Variants in PRORP observed in about 807,000 individuals in gnomAD.
PRORP encodes the protein protein only RNase P catalytic subunit.
In PRORP, 51 loss-of-function variants were observed where a neutral mutation model predicts 59.4. The observed-to-expected ratio is 0.86, with a 90% CI of 0.69 to 1.08. The LOEUF is 1.08. Ranked by LOEUF, PRORP falls within the 50% of genes least tolerant of loss-of-function variation. The pLI is 0.00. For synonymous variants in PRORP, 231 were observed against 245.6 expected (o/e 0.94, Z 0.55); for missense variants, 646 against 690.3 (o/e 0.94, Z 0.72).
At chr14:35,160,116 A>C (rs1009979224) in intron 4 of PRORP, among the ~76,000 whole-genome samples, 3 of 152,158 alleles carry the variant, frequency 2.0e-5, no homozygotes, top group Non-Finnish European at 2.9e-5. Context: ...GTTGCTCTTG[A>C]GTTACTCAGA....
intron 4 of PRORP, among the ~76,000 whole-genome samples, chr14:35,175,789 A>G (rs368311557): frequency 2.0e-5 from 3 of 152,090 alleles, no homozygotes; most frequent in South Asian, 2.1e-4. Flanking sequence ...CATTGCTTTT[A>G]GTGTTTTAGA....
At chr14:35,192,898 G>A (rs1475100064) in intron 5 of PRORP, among the ~76,000 whole-genome samples, 1 of 151,950 alleles carries the variant, frequency 6.6e-6, no homozygotes, top group Admixed American at 6.6e-5. Flanking sequence ...GGAGACTGAG[G>A]CAGGAGAATC....
chr14:35,244,195 T>C (rs2050429003), intron 5 of PRORP, among the ~76,000 whole-genome samples: 2 of 152,236 alleles, frequency 1.3e-5, no homozygotes, highest in African/African-American at 4.8e-5. Context: ...TCATAAGTCC[T>C]CATTGTTATG....
At position 35,143,478 on chromosome 14, in the gene PRORP, A is replaced by G. The variant is rs114353097; in HGVS notation, c.1167+15867A>G. On this transcript the variant is annotated intron_variant, in intron 4 of 7. Coordinates refer to ENST00000534898, the MANE Select transcript of PRORP (RefSeq NM_014672.4). Reference sequence around the variant, plus strand: ...TGCCCAGCCAGATATATATTAATTTATTGAAAATAATATAAAAACTATTAT... The same window carrying G: ...TGCCCAGCCAGATATATATTAATTTGTTGAAAATAATATAAAAACTATTAT... Among the ~76,000 whole-genome samples the G allele has an allele frequency of 8.6e-3, 1,252 of 145,528 alleles. 57 individuals carry two copies. The highest frequency in any genetic ancestry group is 0.029 in the African/African-American group (1,193 of 41,086).
upstream of PRORP, chr14:35,122,061 G>A (rs2046923876): frequency 3.2e-5 from 41 of 1,296,768 alleles, no homozygotes; most frequent in Non-Finnish European, 4.2e-5. Flanking sequence ...AGGTTAGGAA[G>A]GCCGTCCAAC....
chr14:35,147,871 A>G (rs1478984102), intron 4 of PRORP, among the ~76,000 whole-genome samples: 1 of 152,254 alleles, frequency 6.6e-6, no homozygotes, highest in Non-Finnish European at 1.5e-5. Flanking sequence ...CGTGTCTACT[A>G]GGAGTGAGTT....
chr14:35,251,431 G>A (rs1055140767), intron 5 of PRORP, among the ~76,000 whole-genome samples: 1 of 152,068 alleles, frequency 6.6e-6, no homozygotes, highest in Non-Finnish European at 1.5e-5. Flanking sequence ...TCTTTATCCT[G>A]TAAATGAGAA....
intron 5 of PRORP, among the ~76,000 whole-genome samples, chr14:35,237,096 C>G (rs114384744): frequency 0.03 from 4,381 of 147,336 alleles, 201 homozygotes; most frequent in African/African-American, 0.099. Context: ...CTCTCTCTCT[C>G]TCTCTTTCTC....
chr14:35,187,837 A>G (rs376055806), intron 5 of PRORP, among the ~76,000 whole-genome samples: 2 of 149,634 alleles, frequency 1.3e-5, no homozygotes, highest in Non-Finnish European at 3.0e-5. Flanking sequence ...ATGTATATTT[A>G]TTTTCTTTTC....
intron 5 of PRORP, among the ~76,000 whole-genome samples, chr14:35,216,220 ACTT>A (rs2049589944): frequency 6.7e-6 from 1 of 148,852 alleles, no homozygotes; most frequent in South Asian, 2.1e-4. Flanking sequence ...CTCTTATTCA[ACTT>A]CTTCCCATAA....
chr14:35,256,525 C>T (rs1335922136), intron 5 of PRORP, among the ~76,000 whole-genome samples: 8 of 151,228 alleles, frequency 5.3e-5, no homozygotes, highest in Admixed American at 1.3e-4. Flanking sequence ...AGAGATGGGG[C>T]TTCACCATGT....
intron 4 of PRORP, among the ~76,000 whole-genome samples, chr14:35,130,901 A>G (rs1375894769): frequency 6.6e-6 from 1 of 151,758 alleles, no homozygotes; most frequent in Non-Finnish European, 1.5e-5. Flanking sequence ...TGGCCTCCCA[A>G]AGTGCTGGAA....
intron 4 of PRORP, among the ~76,000 whole-genome samples, chr14:35,146,472 A>C (rs2047613498): frequency 6.6e-6 from 1 of 152,128 alleles, no homozygotes; most frequent in Non-Finnish European, 1.5e-5. Flanking sequence ...TTACAAACTG[A>C]AAGATGTGAA....
At chr14:35,233,970 T>C (rs1275227650) in intron 5 of PRORP, among the ~76,000 whole-genome samples, 2 of 152,210 alleles carry the variant, frequency 1.3e-5, no homozygotes, top group African/African-American at 2.4e-5. Context: ...TGCTCAGTCC[T>C]CTTAAGTTTG....
intron 4 of PRORP, 113 bp downstream of exon 4, chr14:35,127,724 T>C: frequency 9.5e-7 from 1 of 1,050,320 alleles, no homozygotes; most frequent in Non-Finnish European, 1.4e-6. Context: ...CATCGGTCCC[T>C]GTTGCAACTT....
chr14:35,122,269 T>G (rs2046934947), upstream of PRORP: 1 of 385,054 alleles, frequency 2.6e-6, no homozygotes. Context: ...TCCTTTATCG[T>G]GTGCCTTTGG....
chr14:35,179,785 G>A (rs1191855520), intron 4 of PRORP, among the ~76,000 whole-genome samples: 11 of 152,218 alleles, frequency 7.2e-5, no homozygotes, highest in African/African-American at 2.4e-4. Flanking sequence ...GAGGAGCTGC[G>A]TTCCTTTGGA....
intron 5 of PRORP, among the ~76,000 whole-genome samples, chr14:35,229,421 T>G (rs1168687867): frequency 6.6e-6 from 1 of 152,154 alleles, no homozygotes; most frequent in African/African-American, 2.4e-5. Flanking sequence ...ATTTCTATAG[T>G]TTGAGGTTTT....
chr14:35,198,428 C>G (rs1709752687), intron 5 of PRORP, among the ~76,000 whole-genome samples: 1 of 152,110 alleles, frequency 6.6e-6, no homozygotes, highest in Admixed American at 6.5e-5. Flanking sequence ...TCTGAAAGTA[C>G]TAAACAGGCC....
Sources: gnomAD v4.1 joint callset for allele counts (sites outside exome capture counted in the v4.1 genomes callset) on GRCh38, gnomAD v4.1.1 for gene constraint, MANE v1.5 for transcripts, NCBI Gene and HGNC (gene_info 2026-07-23, HGNC 2026-07-21) for gene names.